Variants in GRM8 observed in about 807,000 individuals in gnomAD.
GRM8 encodes glutamate metabotropic receptor 8.
Under a neutral mutation model 87.2 loss-of-function variants are expected in GRM8, and 47 were observed. The ratio of observed to expected loss-of-function variants is 0.54; its 90% confidence interval spans 0.43 to 0.69. GRM8 has a LOEUF of 0.69. Ranked by LOEUF, GRM8 falls within the 30% of genes least tolerant of loss-of-function variation. The pLI is 0.00. For synonymous variants in GRM8, 396 were observed against 404.5 expected (o/e 0.98, Z 0.25); for missense variants, 1,019 against 1,139.2 (o/e 0.89, Z 1.52).
intron 2 of GRM8, among the ~76,000 whole-genome samples, chr7:127,144,538 T>C (rs773165310): frequency 1.3e-5 from 2 of 152,116 alleles, no homozygotes; most frequent in Non-Finnish European, 2.9e-5. Context: ...CAGGTTTGCA[T>C]GAAAAAGAAA....
intron 6 of GRM8, among the ~76,000 whole-genome samples, chr7:126,823,296 A>G (rs892308047): frequency 6.6e-6 from 1 of 152,228 alleles, no homozygotes; most frequent in African/African-American, 2.4e-5. Flanking sequence ...GACATGCTAC[A>G]TCACTCTGTT....
chr7:127,243,071 TC>T lies in GRM8; in HGVS notation c.133del (p.Asp45ThrfsTer23), dbSNP rs1798399502. Reference sequence around the variant, plus strand: ...AGGGAAGAGACCCCCCAAAATAATGTCCCCATCCACCCGTATGGAATGGGCA... The same window carrying T: ...AGGGAAGAGACCCCCCAAAATAATGTCCCATCCACCCGTATGGAATGGGCA... The part of the protein sequence containing the change: ...EYAHSIRVDG[D>X]IILGGLFPVH... On this transcript the variant is annotated frameshift_variant, in exon 2 of 11. Transcript: ENST00000339582. LOFTEE classifies it high-confidence loss of function. The T allele has an allele frequency of 6.2e-7, 1 of 1,613,896 alleles. No individual in the cohort carries two copies. Among genetic ancestry groups the T allele is most frequent in the African/African-American group, 1.3e-5 (1 of 74,952 alleles).
At chr7:127,047,688 A>G (rs1819072012) in intron 3 of GRM8, among the ~76,000 whole-genome samples, 1 of 152,124 alleles carries the variant, frequency 6.6e-6, no homozygotes, top group Admixed American at 6.5e-5. Context: ...ACACTTAGCC[A>G]GGCATGGTGA....
At chr7:127,047,685 G>C (rs1333756677) in intron 3 of GRM8, among the ~76,000 whole-genome samples, 4 of 152,008 alleles carry the variant, frequency 2.6e-5, no homozygotes, top group African/African-American at 9.7e-5. Flanking sequence ...GAAACACTTA[G>C]CCAGGCATGG....
At chr7:126,902,701 T>G (rs754964437) in intron 5 of GRM8, 22 bp from the exon 6 acceptor site, 1 of 1,517,106 alleles carries the variant, frequency 6.6e-7, no homozygotes, top group Non-Finnish European at 9.0e-7. Context: ...GAGAAAGGTA[T>G]GATTTTAATA....
intron 7 of GRM8, among the ~76,000 whole-genome samples, chr7:126,630,049 T>C (rs2151168813): frequency 6.6e-6 from 1 of 152,198 alleles, no homozygotes; most frequent in Admixed American, 6.5e-5. Context: ...GAAATCTTAG[T>C]TCATATTCTC....
At chr7:126,898,046 G>A (rs920109470) in intron 6 of GRM8, among the ~76,000 whole-genome samples, 7 of 152,008 alleles carry the variant, frequency 4.6e-5, no homozygotes, top group South Asian at 2.1e-4. Context: ...AATTACGTTC[G>A]CAGATCACCG....
chr7:126,643,685 G>A (rs984180579), intron 7 of GRM8, among the ~76,000 whole-genome samples: 15 of 152,148 alleles, frequency 9.9e-5, no homozygotes, highest in Non-Finnish European at 2.1e-4. Context: ...AAAACTTCCA[G>A]CTGATGTTCA....
chr7:127,212,639 G>A (rs1371520505), intron 2 of GRM8, among the ~76,000 whole-genome samples: 1 of 151,796 alleles, frequency 6.6e-6, no homozygotes, highest in Non-Finnish European at 1.5e-5. Flanking sequence ...GGATGGTCTC[G>A]ATCTCCTGAC....
chr7:127,227,147 C>T (rs1470062893), intron 2 of GRM8, among the ~76,000 whole-genome samples: 1 of 152,194 alleles, frequency 6.6e-6, no homozygotes, highest in African/African-American at 2.4e-5. Context: ...GAGGCGGACT[C>T]TGTAGTGATG....
At chr7:126,596,954 T>C (rs958944657) in intron 8 of GRM8, among the ~76,000 whole-genome samples, 3 of 152,166 alleles carry the variant, frequency 2.0e-5, no homozygotes, top group Non-Finnish European at 2.9e-5. Flanking sequence ...AATGATTTTA[T>C]AACAAATGAA....
chr7:126,952,219 TAAAC>T (rs1223190004), intron 3 of GRM8, among the ~76,000 whole-genome samples: 1 of 151,830 alleles, frequency 6.6e-6, no homozygotes, highest in Non-Finnish European at 1.5e-5. Flanking sequence ...TGGAACAAAT[TAAAC>T]AAGTTAAATA....
intron 7 of GRM8, among the ~76,000 whole-genome samples, chr7:126,715,174 T>G (rs759665194): frequency 6.6e-6 from 1 of 152,158 alleles, no homozygotes; most frequent in Non-Finnish European, 1.5e-5. Context: ...CAATGAAAAA[T>G]GCAAGAACGT....
chr7:127,177,572 G>T (rs764830257), intron 2 of GRM8, among the ~76,000 whole-genome samples: 6 of 152,146 alleles, frequency 3.9e-5, no homozygotes, highest in African/African-American at 4.8e-5. Context: ...AACCACCAAA[G>T]CTAAGAACCC....
In GRM8 at chr7:126,467,507, T is replaced by C. The variant is rs182703443; in HGVS notation, c.2431-21135A>G. On this transcript the variant is annotated intron_variant, in intron 9 of 10. Coordinates refer to ENST00000339582, the MANE Select transcript of GRM8 (RefSeq NM_000845.3). Reference sequence around the variant, plus strand: ...TAGACAAAATAACTAGATTTCCTTGTATATTTAATATATTCTCATTGTGAC... The same window carrying C: ...TAGACAAAATAACTAGATTTCCTTGCATATTTAATATATTCTCATTGTGAC... Among the ~76,000 whole-genome samples, 21 of 152,164 alleles carry C rather than the reference T, an allele frequency of 1.4e-4. No homozygotes were observed. The East Asian group carries it at 3.5e-3, about 25-fold the overall frequency.
At position 126,503,055 on chromosome 7, in the gene GRM8, A is replaced by G. The variant is rs151132261; in HGVS notation, c.2430+29897T>C. On this transcript the variant is annotated intron_variant, in intron 9 of 10. Coordinates refer to ENST00000339582, the MANE Select transcript of GRM8 (RefSeq NM_000845.3). The stretch of plus-strand genomic sequence containing the variant: ...TAGGGAATGAGACTCAAACAAGATC[A>G]ACCAAAGTGATTTCCAGGAATGGAG... Among the ~76,000 whole-genome samples the G allele has an allele frequency of 2.2e-3, 335 of 152,096 alleles. 1 individual carries two copies. The highest frequency in any genetic ancestry group is 8.0e-3 in the African/African-American group (331 of 41,534).
chr7:126,446,372 T>A lies in GRM8; in HGVS notation c.2431A>T (p.Met811Leu), dbSNP rs1180506124. 7 of 1,580,346 alleles carry A rather than the reference T, an allele frequency of 4.4e-6. No individual in the cohort carries two copies. Among genetic ancestry groups the A allele is most frequent in the Non-Finnish European group, 6.0e-6 (7 of 1,160,422 alleles). ...GTAAGTGTTGTTGTCTGGATGTACA[T>A]CTGAGGGAAGAAAAAAAAAAGAATC... is the stretch of plus-strand genomic sequence containing the variant. Reference protein sequence around the residue: ...FFGTAQSAEKMYIQTTTLTVS... With the variant: ...FFGTAQSAEKLYIQTTTLTVS... The change falls in exon 10 of 11, where the codon ATG becomes TTG. Residue 811 changes from methionine (M) to leucine (L), a missense_variant and splice_region_variant. Coordinates refer to ENST00000339582, the MANE Select transcript of GRM8 (RefSeq NM_000845.3).
chr7:126,587,902 C>A (rs1796308823), intron 8 of GRM8, among the ~76,000 whole-genome samples: 1 of 145,266 alleles, frequency 6.9e-6, no homozygotes. Flanking sequence ...ATTAAAAATC[C>A]CAAGATTAAA....
rs576908616 is a variant in GRM8, at chr7:127,250,071, CAT to C, written c.-312+2724_-312+2725del. Among the ~76,000 whole-genome samples, 82 of 152,316 alleles carry C rather than the reference CAT, an allele frequency of 5.4e-4. 1 individual carries two copies. In the East Asian group the frequency reaches 0.014, roughly 27 times the overall value. The stretch of plus-strand genomic sequence containing the variant: ...GGAAGGAAACTTGGAAGGAAAAAAA[CAT>C]GTGTGTAGTGTGCTGTACATCGTGC... On this transcript the variant is annotated intron_variant, in intron 1 of 10. Coordinates refer to ENST00000339582, the MANE Select transcript of GRM8 (RefSeq NM_000845.3).
Sources: allele counts gnomAD v4.1 joint callset (sites outside exome capture counted in the v4.1 genomes callset), GRCh38; gene constraint gnomAD v4.1.1; transcripts MANE v1.5; gene names NCBI Gene and HGNC (gene_info 2026-07-23, HGNC 2026-07-21).